Variants in TANC2 observed in about 807,000 individuals in gnomAD.
TANC2 encodes the protein tetratricopeptide repeat, ankyrin repeat and coiled-coil containing 2, also known as protein TANC2.
A neutral mutation model predicts 210.5 loss-of-function variants in TANC2; 26 were observed. The ratio of observed to expected loss-of-function variants is 0.12; its 90% CI spans 0.09 to 0.17. TANC2 has a LOEUF of 0.17. TANC2 is among the 10% of genes least tolerant of loss of function. TANC2 has a pLI of 1.00. For synonymous variants in TANC2, 931 were observed against 967.1 expected (o/e 0.96, Z 0.69); for missense variants, 2,129 against 2,608.9 (o/e 0.82, Z 4.01).
At chr17:62,985,555 A>AT (rs2032527319) in intron 1 of TANC2, among the ~76,000 whole-genome samples, 1 of 151,908 alleles carries the variant, frequency 6.6e-6, no homozygotes. Context: ...GGCTTTCTTC[A>AT]TTTTTTAAAA....
At chr17:63,005,332 C>T (rs886400035) in intron 1 of TANC2, among the ~76,000 whole-genome samples, 7 of 152,202 alleles carry the variant, frequency 4.6e-5, no homozygotes, top group African/African-American at 1.4e-4. Context: ...ATATTCTCAT[C>T]AACAAGAAAG....
Position 63,157,596 on chromosome 17 carries a change from A to G in TANC2, c.433+6216A>G, listed in dbSNP as rs951791311. The stretch of plus-strand genomic sequence containing the variant: ...GTGACTTTGGGCAAATTACTTAACC[A>G]TGATTTGTTAATTTCCTAATTTCCC... On this transcript the variant is annotated intron_variant, in intron 5 of 27. Transcript: ENST00000689528. Among the ~76,000 whole-genome samples the G allele has an allele frequency of 5.9e-5, 9 of 152,282 alleles. No individual in the cohort carries two copies. In the East Asian group the frequency reaches 1.5e-3, roughly 26 times the overall value.
intron 4 of TANC2, among the ~76,000 whole-genome samples, chr17:63,112,390 C>T (rs1448045181): frequency 6.6e-6 from 1 of 152,076 alleles, no homozygotes; most frequent in Non-Finnish European, 1.5e-5. Flanking sequence ...GGCAAAGTTC[C>T]AGGGAGGACA....
chr17:63,214,433 T>C (rs1380721609), intron 7 of TANC2, among the ~76,000 whole-genome samples: 2 of 152,240 alleles, frequency 1.3e-5, no homozygotes, highest in Non-Finnish European at 2.9e-5. Flanking sequence ...CAGGTGACTA[T>C]ATCTAGGATT....
At chr17:63,300,049 C>G (rs756424718) in intron 9 of TANC2, among the ~76,000 whole-genome samples, 14 of 152,204 alleles carry the variant, frequency 9.2e-5, no homozygotes, top group Middle Eastern at 3.4e-3. Context: ...AGTCCTTTCC[C>G]TATTGTTTAT....
intron 8 of TANC2, among the ~76,000 whole-genome samples, chr17:63,256,110 T>C (rs1008008479): frequency 6.6e-6 from 1 of 152,012 alleles, no homozygotes; most frequent in Non-Finnish European, 1.5e-5. Flanking sequence ...TTCACCATGT[T>C]GGCCAGGCTG....
chr17:63,214,750 C>T (rs531384251), intron 7 of TANC2, among the ~76,000 whole-genome samples: 1 of 152,314 alleles, frequency 6.6e-6, no homozygotes, highest in East Asian at 1.9e-4. Context: ...TAAGTTTCAA[C>T]ACATGAATTT....
At chr17:63,249,496 T>C (rs2042999705) in intron 8 of TANC2, among the ~76,000 whole-genome samples, 1 of 152,150 alleles carries the variant, frequency 6.6e-6, no homozygotes, top group South Asian at 2.1e-4. Context: ...TTGCAACAGC[T>C]GTCGTCAGTG....
intron 9 of TANC2, among the ~76,000 whole-genome samples, chr17:63,272,051 G>T (rs1001552855): frequency 6.6e-6 from 1 of 152,030 alleles, no homozygotes; most frequent in African/African-American, 2.4e-5. Context: ...ATCCAGAATG[G>T]TATTGCCTGG....
chr17:63,055,620 G>T (rs1485371952), intron 2 of TANC2, among the ~76,000 whole-genome samples: 1 of 150,772 alleles, frequency 6.6e-6, no homozygotes, highest in South Asian at 2.1e-4. Flanking sequence ...CCTGTACTCT[G>T]GGGTAATCAG....
chr17:63,050,154 C>G (rs1163064645), intron 2 of TANC2, among the ~76,000 whole-genome samples: 1 of 151,928 alleles, frequency 6.6e-6, no homozygotes, highest in Non-Finnish European at 1.5e-5. Context: ...GAGTTTGAGA[C>G]CAGCCTGTGT....
At position 63,412,011 on chromosome 17, in the gene TANC2, T is replaced by C. The variant is rs766532566; in HGVS notation, c.3779T>C (p.Val1260Ala). The C allele has an allele frequency of 6.2e-7, 1 of 1,613,838 alleles. No individual in the cohort carries two copies. The highest frequency in any genetic ancestry group is 1.3e-5 in the African/African-American group (1 of 74,972). ...TCCGTGTCCTAGGTCCAGTTCCTGGTAGATCATGGGGCCATGATCGAGCAC... is the reference window on the plus strand; with the variant it reads ...TCCGTGTCCTAGGTCCAGTTCCTGGCAGATCATGGGGCCATGATCGAGCAC... The change falls in exon 23 of 28, where the codon GTA (valine) becomes GCA (alanine). Residue 1260 changes from valine (V) to alanine (A), a missense_variant. Around this residue, in one of 5 missense-constraint regions of TANC2, gnomAD observed 644 missense variants for 937.5 expected, o/e 0.69. Transcript: ENST00000689528. This position sits in a 1 kb window ranked among gnomAD's most constrained non-coding sequence, Gnocchi z 4.2.
chr17:63,258,264 G>T (rs1034933947), intron 8 of TANC2, among the ~76,000 whole-genome samples: 3 of 151,814 alleles, frequency 2.0e-5, no homozygotes, highest in African/African-American at 7.3e-5. Context: ...CTTTTCTTTT[G>T]TTCCTTTTAG....
intron 4 of TANC2, among the ~76,000 whole-genome samples, chr17:63,102,665 A>G (rs2037673254): frequency 6.9e-6 from 1 of 144,434 alleles, no homozygotes; most frequent in Admixed American, 6.9e-5. Flanking sequence ...GGAACATCAC[A>G]CACCAGGATT....
At chr17:63,329,935 A>T (rs2045779972) in intron 11 of TANC2, among the ~76,000 whole-genome samples, 1 of 152,250 alleles carries the variant, frequency 6.6e-6, no homozygotes, top group Non-Finnish European at 1.5e-5. Context: ...TCAAAAACCC[A>T]AAATAGGCTG....
chr17:63,379,136 A>G (rs1296992181), intron 14 of TANC2, among the ~76,000 whole-genome samples: 2 of 152,294 alleles, frequency 1.3e-5, no homozygotes, highest in South Asian at 2.1e-4. Context: ...TGACAGAGAC[A>G]GAAAATAAAA....
intron 2 of TANC2, among the ~76,000 whole-genome samples, chr17:63,070,320 A>C (rs554421101): frequency 1.3e-5 from 2 of 152,322 alleles, no homozygotes; most frequent in East Asian, 3.9e-4. Context: ...ACATGTAATT[A>C]AGCAGTCAGG....
At chr17:63,120,873 G>A (rs2038447704) in intron 4 of TANC2, 2 of 148,076 alleles carry the variant, frequency 1.4e-5, no homozygotes, top group African/African-American at 5.0e-5. Flanking sequence ...ACATACAACT[G>A]GGTAAAATCT....
chr17:63,109,626 AT>A (rs1402717222), intron 4 of TANC2, among the ~76,000 whole-genome samples: 1 of 151,692 alleles, frequency 6.6e-6, no homozygotes, highest in African/African-American at 2.4e-5. Context: ...TAAAGATAAT[AT>A]TTTTTGAGCT....
Sources: allele counts gnomAD v4.1 joint callset (sites outside exome capture counted in the v4.1 genomes callset), GRCh38; gene constraint gnomAD v4.1.1; regional missense constraint gnomAD v4.1.1; non-coding constraint Gnocchi (gnomAD v3.1); transcripts MANE v1.5; gene names NCBI Gene and HGNC (gene_info 2026-07-23, HGNC 2026-07-21).